The following ITPR3 variants were observed in gnomAD, a reference collection of about 807,000 sequenced individuals.
The protein encoded by ITPR3 is inositol 1,4,5-trisphosphate-gated calcium channel ITPR3.
ITPR3 carries 173 observed loss-of-function variants against 293.2 expected under a neutral mutation model. The observed-to-expected ratio is 0.59, with a 90% CI of 0.52 to 0.67. The LOEUF (loss-of-function observed/expected upper bound fraction) is 0.67. Ranked by LOEUF, ITPR3 falls within the 30% of genes least tolerant of loss-of-function variation. The pLI is 0.00. For synonymous variants in ITPR3, 1,295 were observed against 1,444.4 expected, an observed-to-expected ratio of 0.90 and a Z score of 2.35; for missense variants, 2,796 against 3,592.1, an observed-to-expected ratio of 0.78 and a Z score of 5.66.
chr6:33,660,695 G>A (rs569475264), intron 7 of ITPR3, among the ~76,000 whole-genome samples: 14 of 152,134 alleles, frequency 9.2e-5, no homozygotes, highest in Non-Finnish European at 1.3e-4. Context: ...TTGGGAGGCC[G>A]AAGCGGGTGG....
chr6:33,686,329 A>G, intron 42 of ITPR3, 76 bp downstream of exon 42: 2 of 1,595,000 alleles, frequency 1.3e-6, no homozygotes, highest in Admixed American at 1.7e-5. Flanking sequence ...CAGCTGGGGC[A>G]GGGAGAGAGG....
At chr6:33,662,144 GA>G (rs1427480092) in intron 7 of ITPR3, among the ~76,000 whole-genome samples, 1 of 152,088 alleles carries the variant, frequency 6.6e-6, no homozygotes, top group Non-Finnish European at 1.5e-5. Context: ...GACCCTGAGA[GA>G]GGGGCAGCCA....
chr6:33,669,680 T>A (rs965222754), intron 18 of ITPR3, among the ~76,000 whole-genome samples: 3 of 152,278 alleles, frequency 2.0e-5, no homozygotes, highest in Admixed American at 1.3e-4. Context: ...TTTTAAGCAC[T>A]TGTCCTGATC....
chr6:33,677,690 C>T lies in ITPR3; in HGVS notation c.3648+61C>T, dbSNP rs975942002. On this transcript the variant is annotated intron_variant, in intron 28 of 57. Coordinates refer to ENST00000605930, the MANE Select transcript of ITPR3 (RefSeq NM_002224.4). ...GGCTTCCCCCTGAACCCCGGCCTGA[C>T]CTGTATGCTAGGCCCTAATGCAGGC... is the stretch of plus-strand genomic sequence containing the variant. 1.8e-5 allele frequency: 29 copies of T among 1,585,982 alleles called. No individual in the cohort carries two copies. In the African/African-American group the frequency reaches 2.8e-4, roughly 15 times the overall value.
chr6:33,682,506 C>T lies in ITPR3; in HGVS notation c.4477-18C>T, dbSNP rs1281658866. 2.0e-6 allele frequency: 3 copies of T among 1,502,280 alleles called. No individual in the cohort carries two copies. The highest frequency in any genetic ancestry group is 2.3e-5 in the Admixed American group (1 of 43,104). The allele number at this position is 1,502,280 out of a possible 1,614,324, so 93.1% of individuals were successfully genotyped here. A position where few individuals can be genotyped will look rare whatever the true frequency, so the allele number is the denominator to read the frequency against. ...TGGGGGCCTGGGCTGCAGCAGCGGG[C>T]TCTGTGACTTCTTGCAGACACACCA... On this transcript the variant is annotated intron_variant, in intron 33 of 57. Coordinates refer to ENST00000605930, the MANE Select transcript of ITPR3 (RefSeq NM_002224.4). This position sits in a 1 kb window ranked among gnomAD's most constrained non-coding sequence, Gnocchi z 5.4.
chr6:33,678,641 C>T lies in ITPR3; in HGVS notation c.3774C>T (p.Leu1258=), dbSNP rs1480921857. The T allele has an allele frequency of 6.2e-6, 10 of 1,611,826 alleles. No homozygotes were observed. The highest frequency in any genetic ancestry group is 8.5e-6 in the Non-Finnish European group (10 of 1,179,470). ...CTGACAGATGCCCCCCACTGCAGCT[C>T]CTGGAGGCAGAGACCATGCAGCACA... ...KHLHLFLTPG[L]LEAETMQHIF... is the part of the protein sequence containing the mutation. Residue 1258 remains leucine (L), a splice_region_variant and synonymous_variant, in exon 30 of 58, where the codon CTC becomes CTT. Coordinates refer to ENST00000605930, the MANE Select transcript of ITPR3 (RefSeq NM_002224.4).
In ITPR3 at chr6:33,624,794, C is replaced by A. The variant is rs552554208; in HGVS notation, c.89+3103C>A. On this transcript the variant is annotated intron_variant, in intron 1 of 57. Coordinates refer to ENST00000605930, the MANE Select transcript of ITPR3 (RefSeq NM_002224.4). The surrounding 1 kb of genome is among the most constrained non-coding windows in gnomAD (Gnocchi z 4.7). ...CTTGGTGGGCAGATGGGCCAGGTCA[C>A]CTGGGAGATGGGAAGGGGGCATTAG... Among the ~76,000 whole-genome samples the A allele has an allele frequency of 6.6e-6, 1 of 152,192 alleles. No individual in the cohort carries two copies. Among genetic ancestry groups the A allele is most frequent in the Non-Finnish European group, 1.5e-5 (1 of 68,036 alleles).
chr6:33,671,158 T>C lies in ITPR3; in HGVS notation c.2587-7T>C, dbSNP rs765730762. ...CCCACCTCACCTCGGCCACGCCCCC[T>C]TCGCAGGTGGTCAGCCTGGCGCACA... On this transcript the variant is annotated splice_polypyrimidine_tract_variant and splice_region_variant and intron_variant, in intron 20 of 57. Coordinates refer to ENST00000605930, the MANE Select transcript of ITPR3 (RefSeq NM_002224.4). 3 of 1,612,952 alleles carry C rather than the reference T, an allele frequency of 1.9e-6. No individual in the cohort carries two copies. The highest frequency in any genetic ancestry group is 2.5e-6 in the Non-Finnish European group (3 of 1,179,690).
chr6:33,652,056 A>AC (rs1242638906), intron 2 of ITPR3, among the ~76,000 whole-genome samples: 1 of 152,128 alleles, frequency 6.6e-6, no homozygotes, highest in Non-Finnish European at 1.5e-5. Context: ...GTGGGCTCAG[A>AC]CACAGGGCCC....
chr6:33,635,859 G>T (rs1457818784), intron 1 of ITPR3, among the ~76,000 whole-genome samples: 16 of 151,918 alleles, frequency 1.1e-4, no homozygotes, highest in Non-Finnish European at 2.4e-4. Flanking sequence ...GGATGGGGAG[G>T]AGATGCGATC....
Position 33,687,960 on chromosome 6 carries a change from T to C in ITPR3, c.6265-97T>C. The C allele has an allele frequency of 1.1e-6, 1 of 923,214 alleles. No individual in the cohort carries two copies. Among genetic ancestry groups the C allele is most frequent in the East Asian group, 2.6e-5 (1 of 38,070 alleles). The allele number at this position is 923,214 out of a possible 1,614,324, so 57.2% of individuals were successfully genotyped here. On this transcript the variant is annotated intron_variant, in intron 46 of 57. Transcript: ENST00000605930. The surrounding 1 kb of genome is among the most constrained non-coding windows in gnomAD (Gnocchi z 5.3). ...CTTGGCGGGGACACTCGCTGAAGTG[T>C]AGTTCAGAGCTAGGCGAAGGCCTGG...
chr6:33,625,218 A>G (rs936201523), intron 1 of ITPR3, among the ~76,000 whole-genome samples: 2 of 151,046 alleles, frequency 1.3e-5, no homozygotes, highest in Non-Finnish European at 2.9e-5. Context: ...ATCTCAAGTC[A>G]TCTCTTGAAG....
Position 33,663,886 on chromosome 6 carries a change from T to A in ITPR3, c.1148+6T>A. On this transcript the variant is annotated splice_donor_region_variant and intron_variant, in intron 11 of 57. Transcript: ENST00000605930. ...ACCGACTCTTTCGTGCCCCGGTGGG[T>A]ATGCGCCATGTGCCTGGGAGTTGAC... 6.2e-7 allele frequency: 1 copy of A among 1,613,944 alleles called. No individual in the cohort carries two copies. Among genetic ancestry groups the A allele is most frequent in the South Asian group, 1.1e-5 (1 of 91,070 alleles).
At position 33,667,093 on chromosome 6, in the gene ITPR3, T is replaced by C. The variant is rs962232927; in HGVS notation, c.1552-36T>C. The C allele has an allele frequency of 4.4e-6, 7 of 1,605,390 alleles. No individual in the cohort carries two copies. In the African/African-American group the frequency reaches 8.0e-5, roughly 18 times the overall value. ...GATGACTTAGGGGTACAGACAGGTG[T>C]TGGGGAATCAGTCCTCACCCTCTGT... On this transcript the variant is annotated intron_variant, in intron 14 of 57. Transcript: ENST00000605930. The surrounding 1 kb of genome is among the most constrained non-coding windows in gnomAD (Gnocchi z 4.4).
In ITPR3 at chr6:33,669,125, G is replaced by GCCCAC. The variant is rs755415091; in HGVS notation, c.2159_2163dup (p.Asp722ProfsTer14). On this transcript the variant is annotated frameshift_variant, in exon 18 of 58. Transcript: ENST00000605930. LOFTEE classifies it high-confidence loss of function. Reference sequence around the variant, plus strand: ...GGCCCAGGAGGCGCGGGCCGGCAACGCCCACGACGAGAATGTGCTCAGCTA... The same window carrying GCCCAC: ...GGCCCAGGAGGCGCGGGCCGGCAACGCCCACCCCACGACGAGAATGTGCTCAGCTA... 30 of 1,613,908 alleles carry GCCCAC rather than the reference G, an allele frequency of 1.9e-5. No individual in the cohort carries two copies. Among genetic ancestry groups the GCCCAC allele is most frequent in the Non-Finnish European group, 2.4e-5 (28 of 1,179,984 alleles).
chr6:33,689,554 G>A, intron 50 of ITPR3, 144 bp downstream of exon 50: 1 of 894,590 alleles, frequency 1.1e-6, no homozygotes, highest in Non-Finnish European at 1.7e-6. Flanking sequence ...TTATAGACCG[G>A]TGGCAGGGAC....
Position 33,682,441 on chromosome 6 carries a change from C to T in ITPR3, c.4477-83C>T. On this transcript the variant is annotated intron_variant, in intron 33 of 57. Transcript: ENST00000605930. The surrounding 1 kb of genome is among the most constrained non-coding windows in gnomAD (Gnocchi z 5.4). ...CTCCGTCTCTCCACCCATGCCCATT[C>T]TGATTGGGCCCTGGTTCCTGGACCT... The T allele has an allele frequency of 6.9e-7, 1 of 1,439,510 alleles. No individual in the cohort carries two copies. The highest frequency in any genetic ancestry group is 9.1e-7 in the Non-Finnish European group (1 of 1,093,062). The allele number at this position is 1,439,510 out of a possible 1,614,324, so 89.2% of individuals were successfully genotyped here.
In ITPR3 at chr6:33,684,535, G is replaced by A. The variant is rs1255905312; in HGVS notation, c.5047-63G>A. ...TACCCAGGGGCTCAGGGTCAAGCCC[G>A]TCAGGCCAGTGGTCAGTGGTGGGCT... On this transcript the variant is annotated intron_variant, in intron 37 of 57. Coordinates refer to ENST00000605930, the MANE Select transcript of ITPR3 (RefSeq NM_002224.4). The surrounding 1 kb of genome is among the most constrained non-coding windows in gnomAD (Gnocchi z 4.2). 5.0e-5 allele frequency: 80 copies of A among 1,605,520 alleles called. No homozygotes were observed. The highest frequency in any genetic ancestry group is 6.1e-5 in the Non-Finnish European group (71 of 1,172,266).
At chr6:33,627,075 T>C (rs1763565037) in intron 1 of ITPR3, among the ~76,000 whole-genome samples, 1 of 152,250 alleles carries the variant, frequency 6.6e-6, no homozygotes, top group Non-Finnish European at 1.5e-5. Context: ...CCCAAAGTGC[T>C]GGGATTACAG....
Sources: allele counts gnomAD v4.1 joint callset (sites outside exome capture counted in the v4.1 genomes callset), GRCh38; gene constraint gnomAD v4.1.1; non-coding constraint Gnocchi (gnomAD v3.1); transcripts MANE v1.5; gene names NCBI Gene and HGNC (gene_info 2026-07-23, HGNC 2026-07-21).